PCDH15: variants seen among roughly 807,000 people sequenced by gnomAD.
The protein encoded by PCDH15 is protocadherin related 15.
A neutral mutation model predicts 178.5 loss-of-function variants in PCDH15; 129 were observed. The ratio of observed to expected loss-of-function variants is 0.72; its 90% CI spans 0.63 to 0.84. PCDH15 has a LOEUF of 0.84. PCDH15 is among the 40% of genes least tolerant of loss of function. The probability of loss-of-function intolerance (pLI) is 0.00; values close to 1 mark genes in which losing one functional copy is unlikely to be tolerated. For synonymous variants in PCDH15, 800 were observed against 732.0 expected (o/e 1.09, Z -1.50); for missense variants, 2,230 against 2,099.9 (o/e 1.06, Z -1.21).
At chr10:54,742,442 A>G (rs1944931968) in intron 1 of PCDH15, among the ~76,000 whole-genome samples, 1 of 152,038 alleles carries the variant, frequency 6.6e-6, no homozygotes, top group Non-Finnish European at 1.5e-5. Context: ...AAATGTATCT[A>G]CCTAAATGGA....
At chr10:53,820,461 CT>C (rs1306568952) in intron 32 of PCDH15, among the ~76,000 whole-genome samples, 1 of 151,962 alleles carries the variant, frequency 6.6e-6, no homozygotes, top group Non-Finnish European at 1.5e-5. Flanking sequence ...GGGCTCTCAA[CT>C]TATATTCATA....
intron 1 of PCDH15, among the ~76,000 whole-genome samples, chr10:54,771,842 C>T (rs933599985): frequency 6.6e-6 from 1 of 152,044 alleles, no homozygotes; most frequent in East Asian, 1.9e-4. Flanking sequence ...GAAGAATGAT[C>T]AGTATCACTA....
intron 21 of PCDH15, among the ~76,000 whole-genome samples, chr10:53,965,621 C>G (rs371030198): frequency 1.2e-4 from 18 of 152,218 alleles, no homozygotes; most frequent in African/African-American, 3.6e-4. Flanking sequence ...GTAAATCTCG[C>G]CTTAGAACAC....
At chr10:54,344,904 C>CAAAAAAAAAAAAAAAAAAAAA (rs57295345) in intron 6 of PCDH15, among the ~76,000 whole-genome samples, 1 of 78,888 alleles carries the variant, frequency 1.3e-5, no homozygotes, top group Non-Finnish European at 2.3e-5. Flanking sequence ...AGAAACAAAG[C>CAAAAAAAAAAAAAAAAAAAAA]AAAAAAAAAA....
intron 2 of PCDH15, among the ~76,000 whole-genome samples, chr10:55,560,889 G>A (rs1320625482): frequency 9.2e-5 from 14 of 151,786 alleles, no homozygotes; most frequent in South Asian, 2.1e-4. Context: ...AAGGGAAACA[G>A]GAAAATAAAG....
chr10:54,456,688 T>A (rs888817902), intron 3 of PCDH15, among the ~76,000 whole-genome samples: 1 of 152,112 alleles, frequency 6.6e-6, no homozygotes, highest in South Asian at 2.1e-4. Flanking sequence ...AGGGGTAGAA[T>A]GATATGGTTT....
At chr10:54,363,601 C>A (rs1946372151) in intron 5 of PCDH15, among the ~76,000 whole-genome samples, 1 of 152,102 alleles carries the variant, frequency 6.6e-6, no homozygotes, top group Non-Finnish European at 1.5e-5. Context: ...TACACATGCT[C>A]TAATTTATTG....
chr10:54,414,318 AT>A (rs1274556391), intron 3 of PCDH15, among the ~76,000 whole-genome samples: 56 of 151,898 alleles, frequency 3.7e-4, no homozygotes, highest in Admixed American at 7.2e-4. Context: ...AATCTACAAA[AT>A]TAACATAATT....
chr10:54,121,217 C>T (rs2095214398), intron 15 of PCDH15, among the ~76,000 whole-genome samples: 2 of 141,550 alleles, frequency 1.4e-5, no homozygotes, highest in African/African-American at 5.6e-5. Flanking sequence ...AATATCAAGC[C>T]AGAAACATAA....
chr10:54,525,896 A>T lies in PCDH15; in HGVS notation c.157+1916T>A, dbSNP rs118082203. ...ATAATATCTGGCAGAGGTTCATTTG[A>T]TCACCATATTTTTAGAAATTTAATG... is the stretch of plus-strand genomic sequence containing the variant. On this transcript the variant is annotated intron_variant, in intron 3 of 37. Coordinates refer to ENST00000644397, the MANE Select transcript of PCDH15 (RefSeq NM_001384140.1). 2.6e-3 allele frequency among the ~76,000 whole-genome samples: 401 copies of T among 152,366 alleles called. 1 individual carries two copies. Among genetic ancestry groups the T allele is most frequent in the South Asian group, 5.8e-3 (28 of 4,832 alleles).
intron 8 of PCDH15, among the ~76,000 whole-genome samples, chr10:54,295,533 A>G (rs2059697629): frequency 1.3e-5 from 2 of 152,202 alleles, no homozygotes; most frequent in African/African-American, 2.4e-5. Context: ...GAGAAGGTTC[A>G]TGGCTTCACT....
chr10:54,852,480 G>C (rs1413054536), intron 3 of PCDH15, among the ~76,000 whole-genome samples: 1 of 152,148 alleles, frequency 6.6e-6, no homozygotes, highest in African/African-American at 2.4e-5. Context: ...AGGTTTCCCA[G>C]AGAAAATATC....
intron 3 of PCDH15, among the ~76,000 whole-genome samples, chr10:54,379,869 T>C (rs1948968896): frequency 6.6e-6 from 1 of 151,950 alleles, no homozygotes. Context: ...AAAAAAACAC[T>C]AGAATAAATG....
chr10:54,647,017 C>A (rs1477388533), intron 2 of PCDH15, among the ~76,000 whole-genome samples: 2 of 152,044 alleles, frequency 1.3e-5, no homozygotes, highest in Admixed American at 6.6e-5. Context: ...AAATCAGGAT[C>A]TTAAAGAAAT....
chr10:53,850,702 T>C (rs2078300474), intron 28 of PCDH15, among the ~76,000 whole-genome samples: 1 of 152,124 alleles, frequency 6.6e-6, no homozygotes, highest in African/African-American at 2.4e-5. Context: ...AGAAACATTA[T>C]TTTCAAAAAT....
chr10:53,859,113 T>C (rs1358656445), intron 27 of PCDH15, among the ~76,000 whole-genome samples: 2 of 151,236 alleles, frequency 1.3e-5, no homozygotes, highest in Non-Finnish European at 1.5e-5. Flanking sequence ...CCGGAACAAG[T>C]AGTAACTATA....
chr10:54,729,024 TC>T (rs1479185493), intron 1 of PCDH15, among the ~76,000 whole-genome samples: 2 of 151,512 alleles, frequency 1.3e-5, no homozygotes, highest in African/African-American at 4.8e-5. Flanking sequence ...TCAATGCTAT[TC>T]CATTCAAACT....
chr10:53,813,534 T>G (rs74134792), intron 35 of PCDH15, among the ~76,000 whole-genome samples: 3,199 of 152,284 alleles, frequency 0.021, 113 homozygotes, highest in African/African-American at 0.071. Context: ...TTGGTAAAAC[T>G]TTTTAGAATA....
At position 54,608,033 on chromosome 10, in the gene PCDH15, T is replaced by C. The variant is rs143907205; in HGVS notation, c.91+56139A>G. The C allele has an allele frequency of 4.1e-3, 1,800 of 444,270 alleles. 8 individuals carry two copies. The highest frequency in any genetic ancestry group is 6.9e-3 in the Middle Eastern group (20 of 2,878). 27.5% of individuals were successfully genotyped at this position (444,270 alleles called of 1,614,324 possible). A position where few individuals can be genotyped will look rare whatever the true frequency, so the allele number is the denominator to read the frequency against. The stretch of plus-strand genomic sequence containing the variant: ...AAGACTTGCACACATAAGGAATTTT[T>C]CAAAATAATATTTTAACTTGAAATA... On this transcript the variant is annotated intron_variant, in intron 2 of 37. Coordinates refer to ENST00000644397, the MANE Select transcript of PCDH15 (RefSeq NM_001384140.1).
Sources: allele counts gnomAD v4.1 joint callset (sites outside exome capture counted in the v4.1 genomes callset), GRCh38; gene constraint gnomAD v4.1.1; transcripts MANE v1.5; gene names NCBI Gene and HGNC (gene_info 2026-07-23, HGNC 2026-07-21).